Variants in TMEM230 observed in about 807,000 individuals in gnomAD.
TMEM230 encodes the protein UPF0414 transmembrane protein C20orf30.
Under a neutral mutation model 15.8 loss-of-function variants are expected in TMEM230, and 10 were observed. The observed-to-expected ratio is 0.63, with a 90% CI of 0.39 to 1.07. TMEM230 has a LOEUF of 1.07. Among genes scored for constraint, TMEM230 ranks in the 50% least tolerant of loss-of-function variants. The pLI is 0.01. For missense variants in TMEM230, 165 were observed against 193.3 expected (o/e 0.85, Z 0.87); for synonymous variants, 67 against 76.9 (o/e 0.87, Z 0.68).
chr20:5,068,225 C>T (rs1424253368), downstream of TMEM230: 3 of 152,312 alleles, frequency 2.0e-5, no homozygotes, highest in East Asian at 5.8e-4. Flanking sequence ...GGCGTTTTCT[C>T]CAACAACTTC....
At chr20:5,095,064 C>T (rs576452349), downstream of TMEM230, among the ~76,000 whole-genome samples, 2 of 152,270 alleles carry the variant, frequency 1.3e-5, no homozygotes, top group Non-Finnish European at 2.9e-5. Flanking sequence ...GCAAAAGCAG[C>T]GCGGTGGATG....
intron 3 of TMEM230, among the ~76,000 whole-genome samples, chr20:5,072,535 ATGAACT>A (rs1338132664): frequency 6.6e-6 from 1 of 151,898 alleles, no homozygotes; most frequent in Non-Finnish European, 1.5e-5. Flanking sequence ...CTATAAGAAC[ATGAACT>A]TGAAGTTTCC....
At chr20:5,075,064 T>A (rs2122562178) in intron 3 of TMEM230, among the ~76,000 whole-genome samples, 1 of 151,016 alleles carries the variant, frequency 6.6e-6, no homozygotes, top group East Asian at 2.0e-4. Flanking sequence ...GTTAAAGTGG[T>A]ACTTTTTTTT....
chr20:5,069,391 G>C (rs941153681), intron 3 of TMEM230: 2 of 1,506,742 alleles, frequency 1.3e-6, no homozygotes. Context: ...CACAAGTTCT[G>C]CCTCTTCAAC....
At chr20:5,083,310 T>A (rs1024055222) in intron 3 of TMEM230, among the ~76,000 whole-genome samples, 4 of 107,222 alleles carry the variant, frequency 3.7e-5, no homozygotes, top group East Asian at 2.9e-4. Flanking sequence ...TTTTTTTTTT[T>A]AGGAGCAGAG....
intron 3 of TMEM230, among the ~76,000 whole-genome samples, chr20:5,076,874 C>G (rs1034558683): frequency 2.6e-5 from 4 of 151,388 alleles, no homozygotes; most frequent in Admixed American, 2.6e-4. Flanking sequence ...GACGGGGTTT[C>G]GCCATGTTGG....
At chr20:5,069,489 C>A in intron 3 of TMEM230, 1 of 825,204 alleles carries the variant, frequency 1.2e-6, no homozygotes, top group Admixed American at 2.9e-5. Context: ...GAGGCAGGAG[C>A]TCAAGATCTA....
intron 3 of TMEM230, among the ~76,000 whole-genome samples, chr20:5,084,825 C>T (rs1040239006): frequency 3.9e-5 from 6 of 152,206 alleles, no homozygotes; most frequent in South Asian, 4.1e-4. Context: ...TGAGCCACTG[C>T]GTCTGGCCCC....
downstream of TMEM230, among the ~76,000 whole-genome samples, chr20:5,098,134 C>T (rs529328437): frequency 7.9e-5 from 12 of 152,016 alleles, no homozygotes; most frequent in South Asian, 1.7e-3. Context: ...TGTGTCACCA[C>T]GCCCAACTAA....
intron 1 of TMEM230, chr20:5,112,620 C>T: frequency 8.6e-7 from 1 of 1,162,492 alleles, no homozygotes. Flanking sequence ...AGGCTTTTTA[C>T]CAGCTCACCG....
At position 5,112,953 on chromosome 20, in the gene TMEM230, C is replaced by A; in HGVS notation, c.68+8G>T. Reference sequence around the variant, plus strand: ...TTCTGTCCCCGCCCTGCCGCACACACGCCTTACCGGAGCGCCGCGCCAGGC... The same window carrying A: ...TTCTGTCCCCGCCCTGCCGCACACAAGCCTTACCGGAGCGCCGCGCCAGGC... On this transcript the variant is annotated splice_region_variant and intron_variant, in intron 1 of 4. Transcript: ENST00000342308. 1 of 1,550,162 alleles carries A rather than the reference C, an allele frequency of 6.5e-7. No individual in the cohort carries two copies. Among genetic ancestry groups the A allele is most frequent in the Middle Eastern group, 1.7e-4 (1 of 5,988 alleles).
the TMEM230 span, among the ~76,000 whole-genome samples, chr20:5,063,032 A>G: frequency 6.6e-6 from 1 of 152,228 alleles, no homozygotes; most frequent in South Asian, 2.1e-4. Flanking sequence ...AGGGACATTG[A>G]GAGACTCCAG....
intron 3 of TMEM230, among the ~76,000 whole-genome samples, chr20:5,070,791 C>A (rs1227037806): frequency 6.6e-6 from 1 of 152,200 alleles, no homozygotes; most frequent in Admixed American, 6.6e-5. Flanking sequence ...GCTTTTGAGA[C>A]AAGATCTCAC....
At chr20:5,072,536 T>G (rs561902179) in intron 3 of TMEM230, among the ~76,000 whole-genome samples, 3 of 151,758 alleles carry the variant, frequency 2.0e-5, no homozygotes, top group Non-Finnish European at 2.9e-5. Context: ...TATAAGAACA[T>G]GAACTTGAAG....
Position 5,099,969 on chromosome 20 carries a change from T to C in TMEM230, c.*822A>G. The C allele has an allele frequency of 2.0e-6, 2 of 985,448 alleles. No homozygotes were observed. The highest frequency in any genetic ancestry group is 2.4e-6 in the Non-Finnish European group (2 of 829,930). The allele number at this position is 985,448 out of a possible 1,614,324, so 61.0% of individuals were successfully genotyped here. A position where few individuals can be genotyped will look rare whatever the true frequency, so the allele number is the denominator to read the frequency against. On this transcript the variant is annotated 3_prime_UTR_variant, in exon 5 of 5. Coordinates refer to ENST00000342308, the MANE Select transcript of TMEM230 (RefSeq NM_001009923.2). ...ATCAAACTAAGGTGATCTAGTCCTC[T>C]AGGCATCCAGGCTGATCCTTGGAAT...
At chr20:5,111,472 G>T in intron 2 of TMEM230, 1 of 190,678 alleles carries the variant, frequency 5.2e-6, no homozygotes, top group Non-Finnish European at 1.2e-5. Flanking sequence ...AGCCGGGCAT[G>T]GTGGTGGGTG....
intron 4 of TMEM230, among the ~76,000 whole-genome samples, chr20:5,105,385 T>C (rs1600396439): frequency 6.6e-6 from 1 of 151,588 alleles, no homozygotes; most frequent in African/African-American, 2.4e-5. Flanking sequence ...TCCCAACACT[T>C]TGGGAGGCCA....
downstream of TMEM230, among the ~76,000 whole-genome samples, chr20:5,063,400 G>C (rs2088624794): frequency 1.4e-5 from 2 of 141,664 alleles, no homozygotes; most frequent in Non-Finnish European, 3.0e-5. Flanking sequence ...CAATTCTCCT[G>C]CCTCAGCCTA....
chr20:5,064,004 A>G (rs1157595100), downstream of TMEM230, among the ~76,000 whole-genome samples: 1 of 152,090 alleles, frequency 6.6e-6, no homozygotes, highest in African/African-American at 2.4e-5. Flanking sequence ...GGTGGTGCGC[A>G]TCTGTAATCC....
Sources: gnomAD v4.1 joint callset for allele counts (sites outside exome capture counted in the v4.1 genomes callset) on GRCh38, gnomAD v4.1.1 for gene constraint, MANE v1.5 for transcripts, NCBI Gene and HGNC (gene_info 2026-07-23, HGNC 2026-07-21) for gene names.